The following SIPA1L2 variants were observed in gnomAD, a reference collection of about 807,000 sequenced individuals.
SIPA1L2 encodes signal induced proliferation associated 1 like 2, also known as signal-induced proliferation-associated 1-like protein 2.
Under a neutral mutation model 163.9 loss-of-function variants are expected in SIPA1L2, and 56 were observed. The observed-to-expected ratio is 0.34, with a 90% CI of 0.28 to 0.43. The LOEUF is 0.43. SIPA1L2 is among the 20% of genes least tolerant of loss of function. The probability of loss-of-function intolerance (pLI) is 1.00; values close to 1 mark genes in which losing one functional copy is unlikely to be tolerated. For synonymous variants in SIPA1L2, 877 were observed against 865.7 expected, an observed-to-expected ratio of 1.01 and a Z score of -0.23; for missense variants, 1,974 against 2,193.5, an observed-to-expected ratio of 0.90 and a Z score of 2.00.
chr1:232,614,038 G>A (rs868296564), intron 1 of SIPA1L2, among the ~76,000 whole-genome samples: 1 of 152,192 alleles, frequency 6.6e-6, no homozygotes. Flanking sequence ...TTCCCACAAA[G>A]ACATGAACTC....
chr1:232,535,921 AGTTAGAAAT>A (rs1333848796), intron 2 of SIPA1L2, among the ~76,000 whole-genome samples: 1 of 152,224 alleles, frequency 6.6e-6, no homozygotes, highest in African/African-American at 2.4e-5. Flanking sequence ...GTTCCATCAA[AGTTAGAAAT>A]GTTAGAGTCT....
At chr1:232,472,092 C>G (rs974102125) in intron 7 of SIPA1L2, among the ~76,000 whole-genome samples, 1 of 152,192 alleles carries the variant, frequency 6.6e-6, no homozygotes. Context: ...GGATTAATAA[C>G]CAGAAGCCCA....
chr1:232,398,907 C>A lies in SIPA1L2; in HGVS notation c.*220G>T, dbSNP rs1660168631. On this transcript the variant is annotated 3_prime_UTR_variant, in exon 23 of 23. Transcript: ENST00000674635. ...CCAGGGTTTACATTCATCTTCACACCAGGAGTTACATTCATTCATCTTCAC... is the reference window on the plus strand; with the variant it reads ...CCAGGGTTTACATTCATCTTCACACAAGGAGTTACATTCATTCATCTTCAC... 3.6e-6 allele frequency: 2 copies of A among 550,726 alleles called. No homozygotes were observed. The highest frequency in any genetic ancestry group is 6.3e-6 in the Non-Finnish European group (2 of 316,906). The allele number at this position is 550,726 out of a possible 1,614,324, so 34.1% of individuals were successfully genotyped here. A position where few individuals can be genotyped will look rare whatever the true frequency, so the allele number is the denominator to read the frequency against.
intron 2 of SIPA1L2, among the ~76,000 whole-genome samples, chr1:232,564,251 T>TC: frequency 5.7e-5 from 4 of 70,756 alleles, no homozygotes; most frequent in African/African-American, 1.7e-4. Context: ...TGTGTGTGTG[T>TC]GTGTGTGTGT....
intron 2 of SIPA1L2, among the ~76,000 whole-genome samples, chr1:232,570,099 A>C (rs539013230): frequency 4.6e-5 from 7 of 152,328 alleles, no homozygotes; most frequent in Admixed American, 2.0e-4. Context: ...TGAAAGCTGA[A>C]ACACAGACCG....
At chr1:232,441,991 T>A in intron 12 of SIPA1L2, 123 bp from the exon 13 acceptor site, 1 of 735,082 alleles carries the variant, frequency 1.4e-6, no homozygotes. Flanking sequence ...GCTGGTTTTC[T>A]GGCAAATGAA....
At chr1:232,538,099 GA>G (rs1657421251) in intron 2 of SIPA1L2, among the ~76,000 whole-genome samples, 1 of 152,194 alleles carries the variant, frequency 6.6e-6, no homozygotes, top group African/African-American at 2.4e-5. Context: ...TGGTTACACA[GA>G]AACAACAAAA....
At chr1:232,522,615 G>T (rs1376771112) in intron 2 of SIPA1L2, among the ~76,000 whole-genome samples, 2 of 151,768 alleles carry the variant, frequency 1.3e-5, no homozygotes, top group Non-Finnish European at 2.9e-5. Context: ...CCTGGCATAT[G>T]GACCCTCGGC....
intron 10 of SIPA1L2, among the ~76,000 whole-genome samples, chr1:232,446,947 C>T (rs1663252525): frequency 6.6e-6 from 1 of 152,314 alleles, no homozygotes; most frequent in African/African-American, 2.4e-5. Context: ...ACTTTAAAAA[C>T]TGATACTCTG....
intron 1 of SIPA1L2, among the ~76,000 whole-genome samples, chr1:232,580,360 TCAGCACGGTC>T (rs1660309576): frequency 6.6e-6 from 1 of 152,198 alleles, no homozygotes; most frequent in Non-Finnish European, 1.5e-5. Flanking sequence ...ACCTGTTTTA[TCAGCACGGTC>T]TTTGTGACCT....
At chr1:232,401,649 C>A (rs2102736249) in intron 22 of SIPA1L2, among the ~76,000 whole-genome samples, 1 of 152,318 alleles carries the variant, frequency 6.6e-6, no homozygotes, top group South Asian at 2.1e-4. Context: ...CTATCCAAGG[C>A]CAGCTCCCTC....
intron 2 of SIPA1L2, among the ~76,000 whole-genome samples, chr1:232,543,348 T>C (rs1216547297): frequency 6.6e-6 from 1 of 152,210 alleles, no homozygotes; most frequent in Non-Finnish European, 1.5e-5. Context: ...ATGGGTCCAC[T>C]TATACACATA....
chr1:232,493,232 T>G lies in SIPA1L2; in HGVS notation c.1617+295A>C, dbSNP rs149550490. The stretch of plus-strand genomic sequence containing the variant: ...GAGGCCTCCCAGTCAGGTTTCTTGT[T>G]AAGCCTGCGGAACTGTGAGTCAATT... On this transcript the variant is annotated intron_variant, in intron 4 of 22. Transcript: ENST00000674635. Among the ~76,000 whole-genome samples, 173 of 152,306 alleles carry G rather than the reference T, an allele frequency of 1.1e-3. 1 individual carries two copies. The highest frequency in any genetic ancestry group is 3.7e-3 in the African/African-American group (154 of 41,570).
chr1:232,625,359 G>A (rs1663017159), intron 1 of SIPA1L2, among the ~76,000 whole-genome samples: 1 of 152,120 alleles, frequency 6.6e-6, no homozygotes, highest in South Asian at 2.1e-4. Flanking sequence ...TTCTTTGGGA[G>A]GACAGGTAAA....
At chr1:232,406,717 C>T (rs1225590397) in intron 19 of SIPA1L2, among the ~76,000 whole-genome samples, 4 of 151,992 alleles carry the variant, frequency 2.6e-5, no homozygotes, top group East Asian at 1.9e-4. Context: ...AAGGCCAAGG[C>T]TGGACTGGTG....
intron 10 of SIPA1L2, among the ~76,000 whole-genome samples, chr1:232,448,260 G>A (rs1401130262): frequency 5.3e-5 from 8 of 152,124 alleles, no homozygotes; most frequent in Non-Finnish European, 1.2e-4. Context: ...GGTGCAGTTC[G>A]GCAAGGACAC....
chr1:232,439,456 G>A lies in SIPA1L2; in HGVS notation c.3683C>T (p.Thr1228Met), dbSNP rs1157360029. 4 of 1,614,016 alleles carry A rather than the reference G, an allele frequency of 2.5e-6. No individual in the cohort carries two copies. The highest frequency in any genetic ancestry group is 4.5e-5 in the East Asian group (2 of 44,888). Reference sequence around the variant, plus strand: ...GTTGCTGGAGGTGTTGCTGGAGAGCGTGTTGCTGCTGGAGTGACTGGAGCA... The same window carrying A: ...GTTGCTGGAGGTGTTGCTGGAGAGCATGTTGCTGCTGGAGTGACTGGAGCA... ...KSCSSHSSSN[T>M]LSSNTSSNSD... The change falls in exon 15 of 23, where the codon ACG becomes ATG. Residue 1228 changes from threonine to methionine, a missense_variant. Thr to Met is a moderately conservative substitution (Grantham distance 81, BLOSUM62 -1). Coordinates refer to ENST00000674635, the MANE Select transcript of SIPA1L2 (RefSeq NM_020808.5).
chr1:232,402,730 G>A, intron 21 of SIPA1L2: 1 of 283,364 alleles, frequency 3.5e-6, no homozygotes, highest in Non-Finnish European at 6.7e-6. Flanking sequence ...TATTATTTAA[G>A]TTGGTTTATC....
chr1:232,450,471 C>G (rs2102887678), intron 10 of SIPA1L2, among the ~76,000 whole-genome samples: 1 of 152,322 alleles, frequency 6.6e-6, no homozygotes, highest in East Asian at 1.9e-4. Flanking sequence ...GTCTTCCACT[C>G]AAATCGATGC....
Sources: gnomAD v4.1 joint callset for allele counts (sites outside exome capture counted in the v4.1 genomes callset) on GRCh38, gnomAD v4.1.1 for gene constraint, MANE v1.5 for transcripts, NCBI Gene and HGNC (gene_info 2026-07-23, HGNC 2026-07-21) for gene names.